HDAC9: variants seen among roughly 807,000 people sequenced by gnomAD.
The protein encoded by HDAC9 is histone deacetylase 9, also known as MEF-2 interacting transcription repressor (MITR) protein.
HDAC9 carries 41 observed loss-of-function variants against 139.4 expected under a neutral mutation model. That is an observed-to-expected ratio of 0.29 (90% CI 0.23 to 0.38). HDAC9 has a LOEUF of 0.38. HDAC9 is among the 10% of genes least tolerant of loss of function. The pLI is 1.00. For missense variants in HDAC9, 1,147 were observed against 1,297.0 expected (o/e 0.88, Z 1.78); for synonymous variants, 517 against 476.2 (o/e 1.09, Z -1.12).
chr7:18,456,766 C>T lies in HDAC9; in HGVS notation c.-41-39496C>T, dbSNP rs190183682. ...GTGTACTTACTTAAATGGGATGATT[C>T]GCAAGTTCCTCGTTCACAAGAGATT... On this transcript the variant is annotated intron_variant, in intron 1 of 3. Coordinates refer to the HDAC9 transcript ENST00000413509. Among the ~76,000 whole-genome samples the T allele has an allele frequency of 6.6e-5, 10 of 152,204 alleles. No homozygotes were observed. In the East Asian group the frequency reaches 1.5e-3, roughly 24 times the overall value.
rs186990395 is a variant in HDAC9 at position 18,610,151 on chromosome 7, C to A, written c.664+16122C>A. On this transcript the variant is annotated intron_variant, in intron 6 of 25. Coordinates refer to ENST00000686413, the MANE Select transcript of HDAC9 (RefSeq NM_178425.4). ...CAATAGCAAAGACTTGGAACCAACC[C>A]CAATGTCCATCAGTGATAGACTGGA... Among the ~76,000 whole-genome samples, 343 of 152,226 alleles carry A rather than the reference C, an allele frequency of 2.3e-3. 4 individuals are homozygous for A. The highest frequency in any genetic ancestry group is 7.9e-3 in the African/African-American group (328 of 41,520).
chr7:18,261,145 AT>A (rs886833587), intron 2 of HDAC9, among the ~76,000 whole-genome samples: 5 of 123,872 alleles, frequency 4.0e-5, no homozygotes, highest in African/African-American at 7.6e-5. Context: ...TTTACAAAAA[AT>A]TAAAAAAAAA....
chr7:18,664,940 T>C (rs1259434003), intron 11 of HDAC9, among the ~76,000 whole-genome samples: 1 of 152,160 alleles, frequency 6.6e-6, no homozygotes, highest in Admixed American at 6.6e-5. Flanking sequence ...AGTAAATATT[T>C]GTTGAACAAA....
intron 13 of HDAC9, among the ~76,000 whole-genome samples, chr7:18,745,883 C>CTTTTTTTTTT (rs752292349): frequency 1.7e-4 from 17 of 99,470 alleles, no homozygotes; most frequent in East Asian, 6.3e-4. Flanking sequence ...TCTTCTTCTT[C>CTTTTTTTTTT]TTTTTTTTTT....
chr7:18,833,843 A>G (rs995712674), intron 19 of HDAC9, among the ~76,000 whole-genome samples: 3 of 152,212 alleles, frequency 2.0e-5, no homozygotes, highest in African/African-American at 7.2e-5. Context: ...GAATTCACCA[A>G]AAGAAGGCTA....
chr7:18,823,460 C>T (rs572030758), intron 17 of HDAC9, among the ~76,000 whole-genome samples: 1 of 152,220 alleles, frequency 6.6e-6, no homozygotes, highest in Non-Finnish European at 1.5e-5. Context: ...GGTGCGGGGA[C>T]AGAGCAGGTG....
intron 22 of HDAC9, among the ~76,000 whole-genome samples, chr7:18,921,153 C>T (rs903750371): frequency 1.3e-5 from 2 of 152,068 alleles, no homozygotes; most frequent in African/African-American, 4.8e-5. Context: ...TAGGCAATAC[C>T]ATTCAGGACA....
At chr7:18,672,220 C>T (rs74723166) in intron 12 of HDAC9, among the ~76,000 whole-genome samples, 1 of 151,924 alleles carries the variant, frequency 6.6e-6, no homozygotes, top group Non-Finnish European at 1.5e-5. Flanking sequence ...TTTGTTATTT[C>T]CCCTGCCTTA....
intron 1 of HDAC9, among the ~76,000 whole-genome samples, chr7:18,368,454 T>C (rs188491371): frequency 6.6e-6 from 1 of 152,154 alleles, no homozygotes; most frequent in Admixed American, 6.6e-5. Flanking sequence ...GCTGTTTCTG[T>C]TTCTGAACTC....
intron 2 of HDAC9, among the ~76,000 whole-genome samples, chr7:18,578,968 T>C (rs1198500758): frequency 6.6e-6 from 1 of 152,218 alleles, no homozygotes; most frequent in East Asian, 1.9e-4. Context: ...TAGGAAGTTA[T>C]TCCTTATTGA....
At chr7:18,215,134 C>G (rs1257617718) in intron 2 of HDAC9, among the ~76,000 whole-genome samples, 5 of 152,074 alleles carry the variant, frequency 3.3e-5, no homozygotes, top group South Asian at 2.1e-4. Flanking sequence ...CTATTCTACC[C>G]TATTCTATTA....
intron 1 of HDAC9, among the ~76,000 whole-genome samples, chr7:18,127,956 G>T (rs868808468): frequency 4.6e-5 from 7 of 151,982 alleles, no homozygotes; most frequent in African/African-American, 1.7e-4. Context: ...GATGATTGAG[G>T]TCTCTAACAA....
chr7:18,689,012 TG>T (rs752547024), intron 12 of HDAC9, among the ~76,000 whole-genome samples: 56 of 152,036 alleles, frequency 3.7e-4, no homozygotes, highest in Admixed American at 1.1e-3. Flanking sequence ...TTAACTTTAT[TG>T]CTTCTGAACC....
At chr7:18,189,208 C>G (rs568599663) in intron 2 of HDAC9, among the ~76,000 whole-genome samples, 36 of 152,166 alleles carry the variant, frequency 2.4e-4, no homozygotes, top group African/African-American at 8.2e-4. Flanking sequence ...ACGGATGAAG[C>G]TGGAAGCCAT....
chr7:18,170,925 G>T (rs1788381908), intron 2 of HDAC9, among the ~76,000 whole-genome samples: 2 of 152,288 alleles, frequency 1.3e-5, no homozygotes, highest in Admixed American at 6.5e-5. Flanking sequence ...TCTTGGCAAT[G>T]CGGGCTCTTT....
intron 6 of HDAC9, among the ~76,000 whole-genome samples, chr7:18,607,444 A>T (rs1835840013): frequency 6.6e-6 from 1 of 152,254 alleles, no homozygotes; most frequent in Admixed American, 6.5e-5. Context: ...GTTTCTTCAA[A>T]TAGCAAATAT....
rs142374776 is a variant in HDAC9 at position 18,384,292 on chromosome 7, A to T, written c.-42+93777A>T. On this transcript the variant is annotated intron_variant, in intron 1 of 3. Coordinates refer to the HDAC9 transcript ENST00000413509. ...CGCTGCACTTCAACCTGAGGGACAGAGGGAGATCCTATCTCAAGAAAAAAA... is the reference window on the plus strand; with the variant it reads ...CGCTGCACTTCAACCTGAGGGACAGTGGGAGATCCTATCTCAAGAAAAAAA... Among the ~76,000 whole-genome samples the T allele has an allele frequency of 3.9e-5, 6 of 152,210 alleles. No homozygotes were observed. The East Asian group carries it at 1.2e-3, about 29-fold the overall frequency.
At chr7:18,259,512 A>G (rs1795507301) in intron 2 of HDAC9, among the ~76,000 whole-genome samples, 1 of 152,078 alleles carries the variant, frequency 6.6e-6, no homozygotes, top group African/African-American at 2.4e-5. Context: ...ACAGGTGTGC[A>G]CCATCATGCC....
intron 21 of HDAC9, among the ~76,000 whole-genome samples, chr7:18,850,493 C>T (rs1797207215): frequency 6.6e-6 from 1 of 152,166 alleles, no homozygotes; most frequent in African/African-American, 2.4e-5. Context: ...TTTCCTGAGC[C>T]AAACATAATG....
Sources: gnomAD v4.1 joint callset for allele counts (sites outside exome capture counted in the v4.1 genomes callset) on GRCh38, gnomAD v4.1.1 for gene constraint, MANE v1.5 for transcripts, NCBI Gene and HGNC (gene_info 2026-07-23, HGNC 2026-07-21) for gene names.